Variants in ZNF496 observed in about 807,000 individuals in gnomAD.
The protein encoded by ZNF496 is zinc finger protein 496, also known as NSD1 (nuclear receptor binding SET-domain containing 1)-interacting zinc finger protein 1.
In ZNF496, 11 loss-of-function variants were observed where a neutral mutation model predicts 58.9. The observed-to-expected ratio is 0.19, with a 90% CI of 0.12 to 0.31. ZNF496 has a LOEUF of 0.31. Ranked by LOEUF, ZNF496 falls within the 10% of genes least tolerant of loss-of-function variation. ZNF496 has a pLI of 1.00. For missense variants in ZNF496, 660 were observed against 783.0 expected (o/e 0.84, Z 1.88); for synonymous variants, 338 against 318.2 (o/e 1.06, Z -0.66).
intron 6 of ZNF496, among the ~76,000 whole-genome samples, chr1:247,314,822 C>G (rs1485166454): frequency 1.3e-5 from 2 of 152,146 alleles, no homozygotes; most frequent in Non-Finnish European, 2.9e-5. Flanking sequence ...TCTTGGCTCA[C>G]GGCAACCGCT....
Position 247,331,419 on chromosome 1 carries a change from C to T in ZNF496, c.-154+13G>A, listed in dbSNP as rs1164134405. 2 of 152,210 alleles carry T rather than the reference C, an allele frequency of 1.3e-5. No individual in the cohort carries two copies. Among genetic ancestry groups the T allele is most frequent in the East Asian group, 3.9e-4 (2 of 5,140 alleles). 9.4% of individuals were successfully genotyped at this position (152,210 alleles called of 1,614,324 possible). A position where few individuals can be genotyped will look rare whatever the true frequency, so the allele number is the denominator to read the frequency against. The stretch of plus-strand genomic sequence containing the variant: ...ACGCGCGTCTCCCGTCTCGCCGGCT[C>T]CGGGCTCCTCACCTCACAGCCTGGA... On this transcript the variant is annotated intron_variant, in intron 2 of 9. Transcript: ENST00000682384.
rs1383014768 is a variant in ZNF496, at chr1:247,303,984, C to T, written c.1007-2708G>A. ...ATGGAGGACACCCTCGTCTGACGGC[C>T]TGCAACCCTGTGGACTGCATGGAGG... On this transcript the variant is annotated intron_variant, in intron 9 of 9. Transcript: ENST00000682384. 8 of 325,856 alleles carry T rather than the reference C, an allele frequency of 2.5e-5. 1 individual carries two copies. Among genetic ancestry groups the T allele is most frequent in the South Asian group, 1.9e-4 (8 of 42,526 alleles). 20.2% of individuals were successfully genotyped at this position (325,856 alleles called of 1,614,324 possible).
chr1:247,307,691 AT>A, intron 9 of ZNF496: 1 of 985,404 alleles, frequency 1.0e-6, no homozygotes, highest in Non-Finnish European at 1.2e-6. Context: ...CTGGGTCAAA[AT>A]GGCATAAATC....
intron 5 of ZNF496, among the ~76,000 whole-genome samples, chr1:247,326,708 C>T (rs766069025): frequency 3.3e-5 from 5 of 152,024 alleles, no homozygotes; most frequent in Non-Finnish European, 5.9e-5. Context: ...CCTCAGAATG[C>T]GACTGAGTAT....
intron 6 of ZNF496, chr1:247,313,807 C>A (rs1179590946): frequency 1.3e-5 from 2 of 152,186 alleles, no homozygotes; most frequent in African/African-American, 4.8e-5. Flanking sequence ...GATGATCCTA[C>A]ACGCACAGAA....
rs187935088 is a variant in ZNF496, at chr1:247,320,226, G to A, written c.651+2928C>T. On this transcript the variant is annotated intron_variant, in intron 6 of 9. Coordinates refer to ENST00000682384, the MANE Select transcript of ZNF496 (RefSeq NM_032752.3). ...TACAATAATGACCCCAAAACAACCC[G>A]GATAGTCCTCAACCAGTGAATGGTT... 5.5e-4 allele frequency among the ~76,000 whole-genome samples: 84 copies of A among 152,168 alleles called. 1 individual carries two copies. The highest frequency in any genetic ancestry group is 1.3e-3 in the Admixed American group (20 of 15,280).
intron 6 of ZNF496, among the ~76,000 whole-genome samples, chr1:247,319,880 G>A (rs142924554): frequency 0.021 from 3,208 of 152,182 alleles, 108 homozygotes; most frequent in African/African-American, 0.072. Context: ...CTGAGATCGC[G>A]CCACTGCACT....
chr1:247,310,547 T>C (rs1659567911), intron 6 of ZNF496, 91 bp from the exon 7 acceptor site: 8 of 1,511,662 alleles, frequency 5.3e-6, no homozygotes, highest in Non-Finnish European at 7.2e-6. Flanking sequence ...CACAACGCTG[T>C]AGGACGGGCA....
intron 5 of ZNF496, among the ~76,000 whole-genome samples, 170 bp from the exon 6 acceptor site, chr1:247,323,400 T>C (rs144352891): frequency 1.3e-4 from 20 of 152,310 alleles, no homozygotes; most frequent in African/African-American, 4.8e-4. Flanking sequence ...CCCCAGTCTC[T>C]GTTCTTAACT....
At chr1:247,301,338 C>G (rs370076899) in intron 9 of ZNF496, 62 bp from the exon 10 acceptor site, 2 of 1,473,402 alleles carry the variant, frequency 1.4e-6, no homozygotes, top group African/African-American at 2.8e-5. Flanking sequence ...CCCCTATGAC[C>G]GCGGCGGAGG....
intron 6 of ZNF496, among the ~76,000 whole-genome samples, chr1:247,320,723 C>A (rs4925533): frequency 0.56 from 85,548 of 152,058 alleles, 24,501 homozygotes; most frequent in Middle Eastern, 0.79. Context: ...TGAGAAGATT[C>A]ATTTAAAAAG....
intron 6 of ZNF496, among the ~76,000 whole-genome samples, chr1:247,315,605 G>T (rs1048057210): frequency 1.3e-5 from 2 of 152,084 alleles, no homozygotes; most frequent in Non-Finnish European, 2.9e-5. Flanking sequence ...GCATCTAACT[G>T]AAGATTTGGG....
At chr1:247,327,810 C>G (rs894676909) in intron 5 of ZNF496, among the ~76,000 whole-genome samples, 1 of 76,642 alleles carries the variant, frequency 1.3e-5, no homozygotes, top group African/African-American at 4.6e-5. Flanking sequence ...CATAAGAAAG[C>G]CCCCCTGGCC....
Position 247,318,540 on chromosome 1 carries a change from C to T in ZNF496, c.651+4614G>A, listed in dbSNP as rs368366397. On this transcript the variant is annotated intron_variant, in intron 6 of 9. Coordinates refer to ENST00000682384, the MANE Select transcript of ZNF496 (RefSeq NM_032752.3). ...CAGGGAAAAAGTTTTTGAATGACAG[C>T]AGATTTCTCATCAAAAGCCATGGAG... is the stretch of plus-strand genomic sequence containing the variant. Among the ~76,000 whole-genome samples the T allele has an allele frequency of 1.1e-3, 166 of 152,230 alleles. 1 individual carries two copies. Among genetic ancestry groups the T allele is most frequent in the South Asian group, 8.1e-3 (39 of 4,824 alleles).
At chr1:247,325,069 C>A (rs1660080213) in intron 5 of ZNF496, among the ~76,000 whole-genome samples, 1 of 152,240 alleles carries the variant, frequency 6.6e-6, no homozygotes, top group Admixed American at 6.5e-5. Flanking sequence ...TGGTTAACCC[C>A]AGGTCACATG....
At chr1:247,307,303 G>A (rs987816981) in intron 9 of ZNF496, 53 of 985,314 alleles carry the variant, frequency 5.4e-5, no homozygotes, top group Non-Finnish European at 6.0e-5. Context: ...CCCTTTCTCA[G>A]TAGCAACCCT....
chr1:247,321,108 G>A (rs1031412867), intron 6 of ZNF496, among the ~76,000 whole-genome samples: 10 of 151,952 alleles, frequency 6.6e-5, no homozygotes, highest in African/African-American at 1.5e-4. Flanking sequence ...CCCGGGATGC[G>A]GAGGTTGCGA....
intron 9 of ZNF496, among the ~76,000 whole-genome samples, chr1:247,303,686 A>G (rs1659318289): frequency 6.6e-6 from 1 of 152,232 alleles, no homozygotes; most frequent in South Asian, 2.1e-4. Flanking sequence ...AAAGTGTCAA[A>G]GGCAAAGACT....
chr1:247,301,797 C>T (rs1362995097), intron 9 of ZNF496, among the ~76,000 whole-genome samples: 1 of 152,176 alleles, frequency 6.6e-6, no homozygotes, highest in African/African-American at 2.4e-5. Context: ...TGGACGCAAC[C>T]CGATGACCTA....
Sources: gnomAD v4.1 joint callset for allele counts (sites outside exome capture counted in the v4.1 genomes callset) on GRCh38, gnomAD v4.1.1 for gene constraint, MANE v1.5 for transcripts, NCBI Gene and HGNC (gene_info 2026-07-23, HGNC 2026-07-21) for gene names.